The following SEMA5B variants were observed in gnomAD, a reference collection of about 807,000 sequenced individuals.
SEMA5B encodes the protein semaphorin 5B.
A neutral mutation model predicts 135.0 loss-of-function variants in SEMA5B; 66 were observed. The ratio of observed to expected loss-of-function variants is 0.49; its 90% CI spans 0.40 to 0.60. SEMA5B has a LOEUF of 0.60. SEMA5B is among the 20% of genes least tolerant of loss of function. The pLI is 0.00. For synonymous variants in SEMA5B, 690 were observed against 639.5 expected, an observed-to-expected ratio of 1.08 and a Z score of -1.19; for missense variants, 1,501 against 1,566.3, an observed-to-expected ratio of 0.96 and a Z score of 0.70.
chr3:122,913,020 G>A lies in SEMA5B; in HGVS notation c.2548C>T (p.His850Tyr). Reference protein sequence around the residue: ...VLLRSGSTSPHTVSGGWAAWG... With the variant: ...VLLRSGSTSPYTVSGGWAAWG... ...GCGGCCCAGCCCCCGCTCACCGTGT[G>A]CGGGGAGGTGCTCCCGCTGCGCAGG... Residue 850 changes from histidine to tyrosine, a missense_variant, in exon 18 of 23, where the codon CAC (histidine) becomes TAC (tyrosine). By Grantham distance (83) the His-to-Tyr change is moderately conservative (BLOSUM62 2). Around this residue, in one of 2 missense-constraint regions of SEMA5B, gnomAD observed 927 missense variants for 881.6 expected, o/e 1.05. Coordinates refer to ENST00000357599, the MANE Select transcript of SEMA5B (RefSeq NM_001031702.4). 6.3e-7 allele frequency: 1 copy of A among 1,590,356 alleles called. No homozygotes were observed. The highest frequency in any genetic ancestry group is 1.8e-5 in the Admixed American group (1 of 56,676).
rs933432821 is a variant in SEMA5B, at chr3:122,975,895, T to C, written c.-38-14594A>G. The C allele has an allele frequency of 4.9e-6, 7 of 1,428,712 alleles. No individual in the cohort carries two copies. In the Admixed American group the frequency reaches 8.6e-5, roughly 18 times the overall value. 88.5% of individuals were successfully genotyped at this position (1,428,712 alleles called of 1,614,324 possible). ...CCCTGCATAGCAAGGACTCTCCATC[T>C]GCCTCAGACTCCCTCTCCTGCCCCC... On this transcript the variant is annotated intron_variant, in intron 1 of 22. Transcript: ENST00000357599.
intron 22 of SEMA5B, among the ~76,000 whole-genome samples, chr3:122,910,602 G>A (rs1489656753): frequency 6.6e-6 from 1 of 152,112 alleles, no homozygotes; most frequent in African/African-American, 2.4e-5. Context: ...GAGGTCAGGA[G>A]ATCGAGACCA....
intron 7 of SEMA5B, 43 bp from the exon 8 acceptor site, chr3:122,928,046 T>A (rs1017101913): frequency 2.9e-6 from 4 of 1,357,938 alleles, no homozygotes; most frequent in Non-Finnish European, 3.9e-6. Context: ...CCTGAGGCCC[T>A]GGGGCTGCCT....
intron 1 of SEMA5B, among the ~76,000 whole-genome samples, chr3:122,963,903 T>A (rs960414505): frequency 1.3e-5 from 2 of 152,154 alleles, no homozygotes; most frequent in African/African-American, 4.8e-5. Context: ...AAAGTTTCTA[T>A]CCTCAATTCC....
At chr3:122,931,701 T>C (rs1938981936) in intron 5 of SEMA5B, among the ~76,000 whole-genome samples, 1 of 152,224 alleles carries the variant, frequency 6.6e-6, no homozygotes, top group African/African-American at 2.4e-5. Context: ...TTCTTTGAAC[T>C]ACCTAGGTGT....
intron 4 of SEMA5B, among the ~76,000 whole-genome samples, chr3:122,940,859 C>T (rs1939526525): frequency 6.6e-6 from 1 of 152,230 alleles, no homozygotes; most frequent in Admixed American, 6.5e-5. Context: ...GGCCTGGGAA[C>T]AGATAAGCTC....
chr3:122,992,569 C>T (rs748583933), intron 1 of SEMA5B, among the ~76,000 whole-genome samples: 1 of 152,150 alleles, frequency 6.6e-6, no homozygotes, highest in Non-Finnish European at 1.5e-5. Flanking sequence ...TCTCCTGACT[C>T]CTGAGAAAAA....
chr3:122,913,289 G>A lies in SEMA5B; in HGVS notation c.2416C>T (p.Leu806Phe), dbSNP rs747386901. 2.5e-6 allele frequency: 4 copies of A among 1,582,460 alleles called. No homozygotes were observed. Among genetic ancestry groups the A allele is most frequent in the Non-Finnish European group, 3.4e-6 (4 of 1,172,856 alleles). Reference sequence around the variant, plus strand: ...AACTGCAGGCCGTGCGGGTCTGCAAGGGGCGCGCGGCAGGTGAAGCGGAAC... The same window carrying A: ...AACTGCAGGCCGTGCGGGTCTGCAAAGGGCGCGCGGCAGGTGAAGCGGAAC... ...QRFRFTCRAPLADPHGLQFGR... is the reference protein window; with the variant it reads ...QRFRFTCRAPFADPHGLQFGR... Residue 806 changes from leucine (L) to phenylalanine (F), a missense_variant, in exon 17 of 23, where the codon CTT becomes TTT. Coordinates refer to ENST00000357599, the MANE Select transcript of SEMA5B (RefSeq NM_001031702.4).
chr3:122,921,342 C>T (rs528418004), intron 12 of SEMA5B, among the ~76,000 whole-genome samples: 1 of 152,178 alleles, frequency 6.6e-6, no homozygotes, highest in Admixed American at 6.5e-5. Flanking sequence ...TCTGTGAGTC[C>T]GCTTGAAGCT....
chr3:122,917,190 C>A (rs996583207), intron 12 of SEMA5B, among the ~76,000 whole-genome samples: 1 of 152,206 alleles, frequency 6.6e-6, no homozygotes, highest in Admixed American at 6.5e-5. Context: ...TGGTTCCTGT[C>A]CCCAGCTTCC....
In SEMA5B at chr3:122,910,018, C is replaced by G. The variant is rs1937612690; in HGVS notation, c.*125G>C. The G allele has an allele frequency of 9.6e-7, 1 of 1,041,924 alleles. No individual in the cohort carries two copies. Among genetic ancestry groups the G allele is most frequent in the Non-Finnish European group, 1.4e-6 (1 of 723,832 alleles). The allele number at this position is 1,041,924 out of a possible 1,614,324, so 64.5% of individuals were successfully genotyped here. ...CTCTCTGAAGCCGGATGGGACCCCC[C>G]ACAGGCAAGGCAGCAAGTTCTTGGC... On this transcript the variant is annotated 3_prime_UTR_variant, in exon 23 of 23. Coordinates refer to ENST00000357599, the MANE Select transcript of SEMA5B (RefSeq NM_001031702.4).
chr3:122,910,171 G>A lies in SEMA5B; in HGVS notation c.3428C>T (p.Pro1143Leu). ...NKHSFRPEAS[P>L]GQRCFPNS ...GCTGTTGGGGAAGCACCGTTGTCCA[G>A]GTGAGGCCTCGGGCCGGAAGCTGTG... Residue 1143 changes from proline to leucine, a missense_variant, in exon 23 of 23, where the codon CCT becomes CTT. Pro to Leu is a moderately conservative substitution (Grantham distance 98). Transcript: ENST00000357599. 1 of 1,614,238 alleles carries A rather than the reference G, an allele frequency of 6.2e-7. No homozygotes were observed. Among genetic ancestry groups the A allele is most frequent in the South Asian group, 1.1e-5 (1 of 91,086 alleles).
chr3:122,930,684 G>A (rs1362657295), intron 5 of SEMA5B, among the ~76,000 whole-genome samples: 1 of 152,264 alleles, frequency 6.6e-6, no homozygotes, highest in South Asian at 2.1e-4. Flanking sequence ...CATAAGAGGA[G>A]TTAAAGTTAC....
At chr3:123,002,859 C>A (rs189458678) in intron 1 of SEMA5B, among the ~76,000 whole-genome samples, 2 of 152,092 alleles carry the variant, frequency 1.3e-5, no homozygotes, top group Admixed American at 1.3e-4. Context: ...ACACACAGTC[C>A]TTTGGTTTTC....
At chr3:122,973,174 T>C (rs572609150) in intron 1 of SEMA5B, among the ~76,000 whole-genome samples, 1 of 152,298 alleles carries the variant, frequency 6.6e-6, no homozygotes, top group African/African-American at 2.4e-5. Flanking sequence ...GAAAGAGAAA[T>C]GATGGACTAT....
At chr3:123,013,562 C>T (rs1942485828) in intron 1 of SEMA5B, among the ~76,000 whole-genome samples, 1 of 152,220 alleles carries the variant, frequency 6.6e-6, no homozygotes, top group Admixed American at 6.5e-5. Context: ...AAAGGCCACT[C>T]TAACAGTAAA....
chr3:123,012,096 C>A (rs1171078629), intron 1 of SEMA5B, among the ~76,000 whole-genome samples: 1 of 152,182 alleles, frequency 6.6e-6, no homozygotes, highest in Non-Finnish European at 1.5e-5. Flanking sequence ...GCCTCTACCT[C>A]TATATAGTTG....
chr3:122,938,892 G>T (rs1205366876), intron 5 of SEMA5B, among the ~76,000 whole-genome samples: 2 of 152,218 alleles, frequency 1.3e-5, no homozygotes, highest in African/African-American at 2.4e-5. Context: ...TGCTTGGGAA[G>T]TCCTTCTTGG....
intron 1 of SEMA5B, among the ~76,000 whole-genome samples, chr3:123,001,139 G>A (rs911291450): frequency 6.6e-6 from 1 of 152,168 alleles, no homozygotes; most frequent in Non-Finnish European, 1.5e-5. Flanking sequence ...AAGATGGAAA[G>A]GCTGTGGGAA....
Sources: gnomAD v4.1 joint callset for allele counts (sites outside exome capture counted in the v4.1 genomes callset) on GRCh38, gnomAD v4.1.1 for gene constraint, gnomAD v4.1.1 regional missense constraint, MANE v1.5 for transcripts, NCBI Gene and HGNC (gene_info 2026-07-23, HGNC 2026-07-21) for gene names.